Variants in FAM53A observed in about 807,000 individuals in gnomAD.
FAM53A encodes the protein protein FAM53A.
A neutral mutation model predicts 26.6 loss-of-function variants in FAM53A; 28 were observed. The ratio of observed to expected loss-of-function variants is 1.05; its 90% CI spans 0.78 to 1.45. The LOEUF (loss-of-function observed/expected upper bound fraction) is 1.45. Among genes scored for constraint, FAM53A ranks in the 40% most tolerant of loss-of-function variants. The probability of loss-of-function intolerance (pLI) is 0.00; values close to 1 mark genes in which losing one functional copy is unlikely to be tolerated. For missense variants in FAM53A, 650 were observed against 575.8 expected, an observed-to-expected ratio of 1.13 and a Z score of -1.32; for synonymous variants, 290 against 253.1, an observed-to-expected ratio of 1.15 and a Z score of -1.38.
intron 2 of FAM53A, among the ~76,000 whole-genome samples, chr4:1,660,265 A>G (rs562091753): frequency 6.6e-6 from 1 of 152,024 alleles, no homozygotes; most frequent in Non-Finnish European, 1.5e-5. Flanking sequence ...CCTGGGCAAC[A>G]AGAGCAAGAC....
chr4:1,588,732 G>A, the FAM53A span, among the ~76,000 whole-genome samples: 1 of 152,162 alleles, frequency 6.6e-6, no homozygotes, highest in African/African-American at 2.4e-5. Flanking sequence ...CAACTTAGCT[G>A]CTCCCAAGTG....
chr4:1,652,210 CCACACACACCACACACACTAGTCG>C (rs1194222341), intron 4 of FAM53A, among the ~76,000 whole-genome samples: 7 of 125,782 alleles, frequency 5.6e-5, no homozygotes, highest in African/African-American at 1.7e-4. Context: ...ACCACACATG[CCACACACACCACACACACTAGTCG>C]CACACACACC....
the FAM53A span, among the ~76,000 whole-genome samples, chr4:1,607,404 C>T: frequency 6.6e-5 from 10 of 151,820 alleles, no homozygotes; most frequent in African/African-American, 1.9e-4. Context: ...AACGTGCGTG[C>T]GTACACAAAA....
chr4:1,592,073 C>T, the FAM53A span, among the ~76,000 whole-genome samples: 3 of 152,208 alleles, frequency 2.0e-5, no homozygotes, highest in Non-Finnish European at 4.4e-5. Context: ...TAAAGAGAGA[C>T]GCTGCTAAGA....
chr4:1,652,956 C>A (rs1168543329), intron 4 of FAM53A, among the ~76,000 whole-genome samples: 1 of 150,812 alleles, frequency 6.6e-6, no homozygotes, highest in African/African-American at 2.4e-5. Context: ...ACATACCACA[C>A]AGACCACGCA....
At chr4:1,614,454 C>T (rs551631107), downstream of FAM53A, among the ~76,000 whole-genome samples, 1 of 81,016 alleles carries the variant, frequency 1.2e-5, no homozygotes. Context: ...ACATGAGGGG[C>T]ATGCAGAGAC....
chr4:1,624,912 G>A (rs923690620), intron 1 of FAM53A, among the ~76,000 whole-genome samples: 62 of 148,762 alleles, frequency 4.2e-4, no homozygotes, highest in African/African-American at 1.3e-3. Context: ...AAGCCCCCAC[G>A]TCCCGGCCCA....
chr4:1,668,555 G>T, intron 2 of FAM53A, 112 bp downstream of exon 2: 1 of 1,224,810 alleles, frequency 8.2e-7, no homozygotes, highest in Non-Finnish European at 1.2e-6. Flanking sequence ...GCCCAGCAGG[G>T]CCCCCCAGGC....
intron 1 of FAM53A, among the ~76,000 whole-genome samples, chr4:1,628,037 C>T (rs1321791526): frequency 0.015 from 77 of 4,968 alleles, no homozygotes; most frequent in South Asian, 0.03. Context: ...GAGGGTGGCA[C>T]GGGGGGAGGG....
At chr4:1,613,836 A>G (rs1714712672), downstream of FAM53A, among the ~76,000 whole-genome samples, 2 of 152,184 alleles carry the variant, frequency 1.3e-5, no homozygotes, top group Non-Finnish European at 2.9e-5. Context: ...ATAACTCAAA[A>G]ACTAGGAAAG....
At chr4:1,639,282 C>T (rs2108794757), downstream of FAM53A, among the ~76,000 whole-genome samples, 1 of 152,342 alleles carries the variant, frequency 6.6e-6, no homozygotes, top group Admixed American at 6.5e-5. Flanking sequence ...CCGCCCCACC[C>T]CAAATCCCAG....
chr4:1,615,420 T>A (rs1388504449), downstream of FAM53A, among the ~76,000 whole-genome samples: 1 of 38,722 alleles, frequency 2.6e-5, no homozygotes, highest in African/African-American at 1.5e-4. Context: ...TGGGCACACA[T>A]GGAAGACAGG....
At chr4:1,607,935 C>T in the FAM53A span, among the ~76,000 whole-genome samples, 65 of 119,172 alleles carry the variant, frequency 5.5e-4, no homozygotes, top group African/African-American at 2.2e-3. Flanking sequence ...AGTGAGACTC[C>T]GTCTCAAAAA....
At chr4:1,600,551 C>T in the FAM53A span, among the ~76,000 whole-genome samples, 1 of 152,218 alleles carries the variant, frequency 6.6e-6, no homozygotes, top group Non-Finnish European at 1.5e-5. Context: ...CTGCAGGCCC[C>T]ACACGGCCAG....
chr4:1,596,991 C>T, the FAM53A span, among the ~76,000 whole-genome samples: 1 of 152,188 alleles, frequency 6.6e-6, no homozygotes, highest in South Asian at 2.1e-4. Context: ...CGGGGCCTCC[C>T]TCCAGCATCG....
the FAM53A span, among the ~76,000 whole-genome samples, chr4:1,602,958 C>T: frequency 6.6e-6 from 1 of 152,160 alleles, no homozygotes; most frequent in Non-Finnish European, 1.5e-5. Flanking sequence ...TCATGGGGGC[C>T]GCCCTCCTGG....
chr4:1,665,436 T>C (rs1714153409), intron 2 of FAM53A, among the ~76,000 whole-genome samples: 1 of 150,006 alleles, frequency 6.7e-6, no homozygotes, highest in Admixed American at 6.7e-5. Flanking sequence ...TGCAATGACG[T>C]GCGATCACTC....
chr4:1,678,503 C>T (rs1424527720), intron 1 of FAM53A, among the ~76,000 whole-genome samples: 1 of 152,158 alleles, frequency 6.6e-6, no homozygotes, highest in Non-Finnish European at 1.5e-5. Context: ...ACAAGTGCTG[C>T]TGAAAAACTA....
the FAM53A span, among the ~76,000 whole-genome samples, chr4:1,576,902 G>C: frequency 6.6e-6 from 1 of 152,194 alleles, no homozygotes; most frequent in Non-Finnish European, 1.5e-5. Flanking sequence ...TGAGGGAGGG[G>C]GTAAGACAGA....
Sources: allele counts gnomAD v4.1 joint callset (sites outside exome capture counted in the v4.1 genomes callset), GRCh38; gene constraint gnomAD v4.1.1; transcripts MANE v1.5; gene names NCBI Gene and HGNC (gene_info 2026-07-23, HGNC 2026-07-21).